SOX5: variants seen among roughly 807,000 people sequenced by gnomAD.
SOX5 encodes the protein SRY-box transcription factor 5.
Under a neutral mutation model 92.0 loss-of-function variants are expected in SOX5, and 9 were observed. The ratio of observed to expected loss-of-function variants is 0.10; its 90% CI spans 0.06 to 0.17. SOX5 has a LOEUF of 0.17. Among genes scored for constraint, SOX5 ranks in the 10% least tolerant of loss-of-function variants. The pLI is 1.00. For missense variants in SOX5, 642 were observed against 944.5 expected, an observed-to-expected ratio of 0.68 and a Z score of 4.20; for synonymous variants, 344 against 336.3, an observed-to-expected ratio of 1.02 and a Z score of -0.25.
intron 7 of SOX5, among the ~76,000 whole-genome samples, chr12:23,658,969 T>C (rs572414610): frequency 1.3e-5 from 2 of 152,168 alleles, no homozygotes; most frequent in Non-Finnish European, 2.9e-5. Context: ...TTCTCTCTGC[T>C]TATTTACAAA....
At chr12:24,062,518 A>G (rs971219530) in intron 4 of SOX5, among the ~76,000 whole-genome samples, 2 of 152,216 alleles carry the variant, frequency 1.3e-5, no homozygotes, top group Admixed American at 6.5e-5. Context: ...GCTCAAGCCA[A>G]CTGAGACTCA....
At chr12:24,131,810 T>C (rs1050340682) in intron 4 of SOX5, among the ~76,000 whole-genome samples, 6 of 152,192 alleles carry the variant, frequency 3.9e-5, no homozygotes, top group Non-Finnish European at 7.4e-5. Flanking sequence ...ACATCTGTTT[T>C]ATTAAAATGG....
chr12:24,303,034 C>A (rs935687674), intron 2 of SOX5, among the ~76,000 whole-genome samples: 13 of 151,858 alleles, frequency 8.6e-5, no homozygotes, highest in African/African-American at 3.1e-4. Context: ...CCAGAAAGGC[C>A]AAAGGAAAGT....
intron 2 of SOX5, among the ~76,000 whole-genome samples, chr12:24,314,105 G>A (rs1030155143): frequency 7.2e-5 from 11 of 152,180 alleles, no homozygotes; most frequent in African/African-American, 2.2e-4. Flanking sequence ...CCATGATCTC[G>A]TCTGGCTTAT....
chr12:23,994,465 A>G (rs759207189), intron 4 of SOX5, among the ~76,000 whole-genome samples: 1 of 152,230 alleles, frequency 6.6e-6, no homozygotes, highest in Non-Finnish European at 1.5e-5. Context: ...AGATACAGAT[A>G]TCTACATCAA....
At position 24,495,800 on chromosome 12, in the gene SOX5, C is replaced by T. The variant is rs566068125; in HGVS notation, c.-251+66529G>A. Among the ~76,000 whole-genome samples, 18 of 152,202 alleles carry T rather than the reference C, an allele frequency of 1.2e-4. 1 individual carries two copies. The highest frequency in any genetic ancestry group is 7.9e-4 in the Admixed American group (12 of 15,284). On this transcript the variant is annotated intron_variant, in intron 1 of 4. Coordinates refer to the SOX5 transcript ENST00000446891. ...TTGAGAATAAAAATCAAAAGAACCA[C>T]AAGGATGGGGGAGGGTGTGGTACGC...
At chr12:23,540,823 G>A (rs372268013) in intron 13 of SOX5, among the ~76,000 whole-genome samples, 5 of 152,122 alleles carry the variant, frequency 3.3e-5, no homozygotes, top group East Asian at 1.9e-4. Context: ...CAGCTCAAGC[G>A]CCTGTTTTAA....
intron 4 of SOX5, among the ~76,000 whole-genome samples, chr12:23,973,002 A>T (rs1012616397): frequency 6.6e-6 from 1 of 152,084 alleles, no homozygotes; most frequent in African/African-American, 2.4e-5. Context: ...TCAAGTAGCG[A>T]CCTTCCTACT....
At chr12:24,468,242 A>G (rs1350828018) in intron 1 of SOX5, among the ~76,000 whole-genome samples, 1 of 152,220 alleles carries the variant, frequency 6.6e-6, no homozygotes, top group African/African-American at 2.4e-5. Flanking sequence ...GCTTGGAATC[A>G]AAGCCTCGTT....
chr12:24,192,409 T>C (rs1956614284), intron 4 of SOX5, among the ~76,000 whole-genome samples: 2 of 141,442 alleles, frequency 1.4e-5, no homozygotes, highest in Admixed American at 6.9e-5. Flanking sequence ...GATAACTACT[T>C]GGTGCAGTGT....
At chr12:24,335,755 T>C (rs1204135753) in intron 2 of SOX5, among the ~76,000 whole-genome samples, 1 of 151,900 alleles carries the variant, frequency 6.6e-6, no homozygotes, top group African/African-American at 2.4e-5. Context: ...TATAGAAAAG[T>C]TAAATTATGA....
intron 8 of SOX5, among the ~76,000 whole-genome samples, chr12:23,607,037 CT>C (rs2075338799): frequency 1.3e-5 from 2 of 152,092 alleles, no homozygotes; most frequent in Admixed American, 1.3e-4. Context: ...CATTAGGTTG[CT>C]CTTCTCTCCC....
intron 1 of SOX5, among the ~76,000 whole-genome samples, chr12:24,508,676 T>A (rs1020928176): frequency 1.3e-5 from 2 of 152,144 alleles, no homozygotes; most frequent in Non-Finnish European, 2.9e-5. Flanking sequence ...CAGGGCTGTG[T>A]CTATCATTAT....
intron 1 of SOX5, among the ~76,000 whole-genome samples, chr12:24,499,209 A>T (rs919509832): frequency 6.6e-6 from 1 of 152,174 alleles, no homozygotes; most frequent in African/African-American, 2.4e-5. Flanking sequence ...GTGAAACCAG[A>T]TGTTCATTTT....
intron 4 of SOX5, among the ~76,000 whole-genome samples, chr12:24,024,612 A>G (rs932497600): frequency 1.3e-5 from 2 of 152,058 alleles, no homozygotes; most frequent in Middle Eastern, 3.2e-3. Context: ...AAAACTGACT[A>G]CATTTCAGAC....
In SOX5 at chr12:24,338,315, G is replaced by A. The variant is rs151044982; in HGVS notation, c.-174+30248C>T. ...TTAGTGGACATACACAATACGATGT[G>A]TTAAAAATGCTAAAAGGCTGAGATA... is the stretch of plus-strand genomic sequence containing the variant. On this transcript the variant is annotated intron_variant, in intron 2 of 4. Transcript: ENST00000446891. 7.6e-4 allele frequency among the ~76,000 whole-genome samples: 115 copies of A among 152,234 alleles called. 1 individual carries two copies. Among genetic ancestry groups the A allele is most frequent in the African/African-American group, 2.5e-3 (102 of 41,548 alleles).
chr12:24,424,813 G>GA (rs1446729155), intron 1 of SOX5, among the ~76,000 whole-genome samples: 1 of 150,726 alleles, frequency 6.6e-6, no homozygotes, highest in Non-Finnish European at 1.5e-5. Context: ...TTTTTTGGGG[G>GA]GGGGGGATGG....
At chr12:23,966,241 AGC>A (rs1947567088) in intron 4 of SOX5, among the ~76,000 whole-genome samples, 7 of 129,212 alleles carry the variant, frequency 5.4e-5, no homozygotes, top group Non-Finnish European at 8.2e-5. Flanking sequence ...AAAAAAAAAA[AGC>A]TGTTTGGGTA....
intron 4 of SOX5, among the ~76,000 whole-genome samples, chr12:24,107,588 T>C (rs570737498): frequency 4.6e-5 from 7 of 152,244 alleles, no homozygotes; most frequent in South Asian, 2.1e-4. Flanking sequence ...TAGTGTTTCA[T>C]TGGTGTTTAG....
Sources: gnomAD v4.1 joint callset for allele counts (sites outside exome capture counted in the v4.1 genomes callset) on GRCh38, gnomAD v4.1.1 for gene constraint, MANE v1.5 for transcripts, NCBI Gene and HGNC (gene_info 2026-07-23, HGNC 2026-07-21) for gene names.